The following ANKRD44 variants were observed in gnomAD, a reference collection of about 807,000 sequenced individuals.
ANKRD44 encodes serine/threonine-protein phosphatase 6 regulatory ankyrin repeat subunit B.
In ANKRD44, 35 loss-of-function variants were observed where a neutral mutation model predicts 116.0. The ratio of observed to expected loss-of-function variants is 0.30; its 90% confidence interval spans 0.23 to 0.40. The LOEUF is 0.40. Ranked by LOEUF, ANKRD44 falls within the 10% of genes least tolerant of loss-of-function variation. ANKRD44 has a pLI of 1.00. For synonymous variants in ANKRD44, 435 were observed against 461.8 expected (o/e 0.94, Z 0.74); for missense variants, 1,014 against 1,242.6 (o/e 0.82, Z 2.77).
At chr2:197,240,521 T>G (rs146765477) in intron 1 of ANKRD44, among the ~76,000 whole-genome samples, 34 of 151,582 alleles carry the variant, frequency 2.2e-4, no homozygotes, top group Non-Finnish European at 4.3e-4. Flanking sequence ...CTAAAACTGT[T>G]CTAAAAACAG....
intron 1 of ANKRD44, among the ~76,000 whole-genome samples, chr2:197,239,001 G>T (rs1035937097): frequency 2.0e-5 from 3 of 152,132 alleles, no homozygotes; most frequent in Non-Finnish European, 2.9e-5. Context: ...TGGGAGTACA[G>T]GCGTGAACCA....
At chr2:197,261,761 C>T (rs1236702099) in intron 1 of ANKRD44, among the ~76,000 whole-genome samples, 1 of 152,068 alleles carries the variant, frequency 6.6e-6, no homozygotes, top group Non-Finnish European at 1.5e-5. Context: ...AACAAAAAAT[C>T]AGAACCACGC....
chr2:197,095,373 T>C (rs2078137827), intron 10 of ANKRD44, among the ~76,000 whole-genome samples: 1 of 152,234 alleles, frequency 6.6e-6, no homozygotes. Flanking sequence ...GGGCCAATGA[T>C]AATCCAGTAC....
chr2:197,172,498 G>A (rs115093812), intron 2 of ANKRD44, among the ~76,000 whole-genome samples: 2,390 of 152,272 alleles, frequency 0.016, 33 homozygotes, highest in Non-Finnish European at 0.027. Flanking sequence ...TTGCAGTACT[G>A]ACGTTTCCTC....
intron 9 of ANKRD44, among the ~76,000 whole-genome samples, chr2:197,102,599 T>C (rs1008086800): frequency 1.3e-5 from 2 of 152,184 alleles, no homozygotes; most frequent in African/African-American, 4.8e-5. Flanking sequence ...TTGTTTATCT[T>C]TTTCTGTAAA....
intron 1 of ANKRD44, among the ~76,000 whole-genome samples, chr2:197,200,121 A>G (rs1299266572): frequency 2.0e-5 from 3 of 152,338 alleles, no homozygotes; most frequent in East Asian, 1.9e-4. Flanking sequence ...CAAAACACTT[A>G]AACTGTGTAA....
rs1019607311 is a variant in ANKRD44 at position 196,988,703 on chromosome 2, G to A, written c.*888C>T. On this transcript the variant is annotated 3_prime_UTR_variant, in exon 28 of 28. Coordinates refer to ENST00000282272, the MANE Select transcript of ANKRD44 (RefSeq NM_001195144.2). ...GTGGAAATGGAACTCATTATAAAAC[G>A]TCAGAGAGTACTGCTCTAATTCGAC... The A allele has an allele frequency of 2.9e-5, 29 of 985,136 alleles. No individual in the cohort carries two copies. The highest frequency in any genetic ancestry group is 5.2e-4 in the Middle Eastern group (1 of 1,936). 61.0% of individuals were successfully genotyped at this position (985,136 alleles called of 1,614,324 possible). A position where few individuals can be genotyped will look rare whatever the true frequency, so the allele number is the denominator to read the frequency against.
At chr2:197,133,147 C>T (rs368742393) in intron 4 of ANKRD44, among the ~76,000 whole-genome samples, 3 of 152,230 alleles carry the variant, frequency 2.0e-5, no homozygotes, top group East Asian at 1.9e-4. Context: ...TGGCAAGGGG[C>T]AGTGCCTGGC....
At chr2:197,095,904 A>G (rs1162869574) in intron 10 of ANKRD44, among the ~76,000 whole-genome samples, 2 of 152,110 alleles carry the variant, frequency 1.3e-5, no homozygotes, top group Non-Finnish European at 2.9e-5. Flanking sequence ...GTATTTTGTA[A>G]TTTTTTAAAA....
At chr2:197,105,839 G>A (rs1233150760) in intron 9 of ANKRD44, among the ~76,000 whole-genome samples, 3 of 152,152 alleles carry the variant, frequency 2.0e-5, no homozygotes, top group Non-Finnish European at 1.5e-5. Flanking sequence ...GCTGCCCACG[G>A]TGGTCTGCCT....
At chr2:197,243,654 G>A (rs2082133838) in intron 1 of ANKRD44, among the ~76,000 whole-genome samples, 1 of 152,214 alleles carries the variant, frequency 6.6e-6, no homozygotes, top group Non-Finnish European at 1.5e-5. Context: ...CAAGATCAAG[G>A]TGCCAGCAGA....
chr2:197,263,198 C>T, intron 1 of ANKRD44: 1 of 489,984 alleles, frequency 2.0e-6, no homozygotes, highest in Non-Finnish European at 3.8e-6. Context: ...TGCAGTGGTG[C>T]TGAAATGACC....
intron 1 of ANKRD44, among the ~76,000 whole-genome samples, chr2:197,262,918 A>G (rs78716359): frequency 6.6e-6 from 1 of 152,158 alleles, no homozygotes. Flanking sequence ...AACAAAAACA[A>G]AAACAAAAAA....
intron 1 of ANKRD44, among the ~76,000 whole-genome samples, chr2:197,210,788 G>A (rs1214030066): frequency 6.6e-6 from 1 of 152,148 alleles, no homozygotes; most frequent in African/African-American, 2.4e-5. Context: ...GCTTCAAAGG[G>A]GGTCAGAAAC....
intron 16 of ANKRD44, among the ~76,000 whole-genome samples, chr2:197,060,777 T>C (rs2077294929): frequency 6.6e-6 from 1 of 152,230 alleles, no homozygotes; most frequent in Non-Finnish European, 1.5e-5. Flanking sequence ...AGTCAGTTCA[T>C]GCAGTATTTG....
At chr2:197,278,215 C>G (rs771861486) in intron 1 of ANKRD44, among the ~76,000 whole-genome samples, 14 of 152,006 alleles carry the variant, frequency 9.2e-5, no homozygotes, top group Non-Finnish European at 1.9e-4. Context: ...GTTTAACTGG[C>G]TGTTAAATTG....
At chr2:197,264,324 C>T (rs1204757692) in intron 1 of ANKRD44, among the ~76,000 whole-genome samples, 1 of 152,140 alleles carries the variant, frequency 6.6e-6, no homozygotes, top group Non-Finnish European at 1.5e-5. Context: ...GTAAAATAAA[C>T]TTCTGTGTTC....
intron 4 of ANKRD44, among the ~76,000 whole-genome samples, chr2:197,130,094 C>T (rs957713872): frequency 3.3e-5 from 5 of 152,134 alleles, no homozygotes; most frequent in Admixed American, 1.3e-4. Flanking sequence ...TTACTCTGGG[C>T]TGATGTCCCT....
At chr2:197,263,580 C>T in intron 1 of ANKRD44, 1 of 255,614 alleles carries the variant, frequency 3.9e-6, no homozygotes, top group Non-Finnish European at 7.8e-6. Context: ...CATGTCTTGT[C>T]AGCCCTGTAT....
Sources: gnomAD v4.1 joint callset for allele counts (sites outside exome capture counted in the v4.1 genomes callset) on GRCh38, gnomAD v4.1.1 for gene constraint, MANE v1.5 for transcripts, NCBI Gene and HGNC (gene_info 2026-07-23, HGNC 2026-07-21) for gene names.